Variants in TDRD10 observed in about 807,000 individuals in gnomAD.
TDRD10 encodes tudor domain-containing protein 10.
Under a neutral mutation model 48.0 loss-of-function variants are expected in TDRD10, and 40 were observed. That is an observed-to-expected ratio of 0.83 (90% CI 0.65 to 1.09). The LOEUF (loss-of-function observed/expected upper bound fraction) is 1.09, where lower values mean the gene tolerates loss of function less well. Among genes scored for constraint, TDRD10 ranks in the 50% least tolerant of loss-of-function variants. The pLI is 0.00. For missense variants in TDRD10, 378 were observed against 434.7 expected, an observed-to-expected ratio of 0.87 and a Z score of 1.16; for synonymous variants, 162 against 170.4, an observed-to-expected ratio of 0.95 and a Z score of 0.38.
Position 154,542,778 on chromosome 1 carries a change from G to A in TDRD10, c.460G>A (p.Glu154Lys). 6.2e-7 allele frequency: 1 copy of A among 1,614,012 alleles called. No homozygotes were observed. Among genetic ancestry groups the A allele is most frequent in the Non-Finnish European group, 8.5e-7 (1 of 1,179,924 alleles). The change falls in exon 8 of 13, where the codon GAG (glutamate) becomes AAG (lysine). Residue 154 changes from glutamate to lysine, a missense_variant. Physicochemically the swap from Glu to Lys is moderately conservative, Grantham distance 56 (BLOSUM62 1). Transcript: ENST00000368482. ...PKAPVDLCET[E>K]KLRAAFFAVP... ...AGCTCCTGTTGACCTGTGTGAGACA[G>A]AGAAACTGAGGGCAGCCTTCTTTGC...
At chr1:154,543,191 C>T (rs771528596) in intron 8 of TDRD10, among the ~76,000 whole-genome samples, 1 of 152,128 alleles carries the variant, frequency 6.6e-6, no homozygotes, top group Non-Finnish European at 1.5e-5. Context: ...AGGAGAATCA[C>T]TTGAACCCAG....
At chr1:154,504,860 G>T (rs1406421866) in intron 1 of TDRD10, among the ~76,000 whole-genome samples, 1 of 152,132 alleles carries the variant, frequency 6.6e-6, no homozygotes, top group Non-Finnish European at 1.5e-5. Flanking sequence ...GGTAGTGTGT[G>T]CCTGTAGTCC....
intron 6 of TDRD10, chr1:154,534,743 G>T (rs1349134540): frequency 2.0e-5 from 3 of 152,214 alleles, no homozygotes; most frequent in African/African-American, 4.8e-5. Flanking sequence ...GAGAGGATTT[G>T]TTGATTGAAA....
intron 4 of TDRD10, among the ~76,000 whole-genome samples, 188 bp from the exon 5 acceptor site, chr1:154,520,116 C>T (rs1205833147): frequency 6.6e-6 from 1 of 152,152 alleles, no homozygotes; most frequent in Non-Finnish European, 1.5e-5. Flanking sequence ...GGCTGGTGAG[C>T]TTCACTGAAG....
chr1:154,520,458 C>G lies in TDRD10; in HGVS notation c.212+84C>G, dbSNP rs997221485. Reference sequence around the variant, plus strand: ...TTTGCTGATGCACTCATGTTGCAGACTAGCCCAGCAACCGCCACGTCCACA... The same window carrying G: ...TTTGCTGATGCACTCATGTTGCAGAGTAGCCCAGCAACCGCCACGTCCACA... On this transcript the variant is annotated intron_variant, in intron 5 of 12. Coordinates refer to ENST00000368482, the MANE Select transcript of TDRD10 (RefSeq NM_182499.4). 14 of 1,097,164 alleles carry G rather than the reference C, an allele frequency of 1.3e-5. No homozygotes were observed. The African/African-American group carries it at 1.7e-4, about 13-fold the overall frequency. 68.0% of individuals were successfully genotyped at this position (1,097,164 alleles called of 1,614,324 possible).
chr1:154,536,184 T>A (rs564467546), intron 6 of TDRD10, among the ~76,000 whole-genome samples: 1 of 152,296 alleles, frequency 6.6e-6, no homozygotes, highest in Non-Finnish European at 1.5e-5. Flanking sequence ...GAGACCAGCC[T>A]GGCCAACATG....
chr1:154,542,869 A>C (rs529237784), intron 8 of TDRD10, 48 bp downstream of exon 8: 1 of 1,489,112 alleles, frequency 6.7e-7, no homozygotes, highest in Non-Finnish European at 9.3e-7. Context: ...GATTACAGAC[A>C]TCCTCTGTCC....
intron 4 of TDRD10, among the ~76,000 whole-genome samples, chr1:154,509,639 T>G (rs1167270859): frequency 2.0e-5 from 3 of 152,178 alleles, no homozygotes; most frequent in Non-Finnish European, 4.4e-5. Context: ...AGATGGACCA[T>G]TATGTTTTGT....
intron 6 of TDRD10, among the ~76,000 whole-genome samples, chr1:154,540,820 A>G (rs1343688630): frequency 6.6e-6 from 1 of 152,200 alleles, no homozygotes; most frequent in Non-Finnish European, 1.5e-5. Context: ...GCCAGTGTTG[A>G]GCAGTTGAAC....
chr1:154,547,384 TTTG>T lies in TDRD10; in HGVS notation c.953-17_953-15del, dbSNP rs766038104. 3.1e-6 allele frequency: 5 copies of T among 1,613,558 alleles called. 1 individual carries two copies. The highest frequency in any genetic ancestry group is 3.3e-5 in the Admixed American group (2 of 60,016). ...CTGCCCAACCCCGTGCCACTGAGGT[TTTG>T]TTGTTGTGTCTTGTTTTGCAGACAT... On this transcript the variant is annotated intron_variant, in intron 11 of 12. Coordinates refer to ENST00000368482, the MANE Select transcript of TDRD10 (RefSeq NM_182499.4).
chr1:154,529,546 ATTTTTTT>A (rs56210038), intron 6 of TDRD10, among the ~76,000 whole-genome samples: 1 of 130,666 alleles, frequency 7.7e-6, no homozygotes. Flanking sequence ...TTCTGTGTTC[ATTTTTTT>A]TTTTTTTTTG....
At chr1:154,535,395 A>G (rs1206653598) in intron 6 of TDRD10, among the ~76,000 whole-genome samples, 7 of 150,218 alleles carry the variant, frequency 4.7e-5, no homozygotes, top group African/African-American at 1.5e-4. Context: ...GAGAGAGAAT[A>G]TAAGGGTAAG....
chr1:154,532,085 G>A (rs569821221), intron 6 of TDRD10, among the ~76,000 whole-genome samples: 18 of 152,330 alleles, frequency 1.2e-4, no homozygotes, highest in Non-Finnish European at 2.4e-4. Context: ...GGTGCTGTGC[G>A]CCCACACTCC....
chr1:154,515,465 G>A (rs952819286), intron 4 of TDRD10, among the ~76,000 whole-genome samples: 6 of 152,126 alleles, frequency 3.9e-5, no homozygotes, highest in African/African-American at 9.7e-5. Flanking sequence ...TGTGTGAACC[G>A]CTCCCTGTGC....
intron 6 of TDRD10, among the ~76,000 whole-genome samples, chr1:154,524,132 GA>G (rs2149329594): frequency 6.6e-6 from 1 of 152,156 alleles, no homozygotes; most frequent in East Asian, 1.9e-4. Context: ...TTTATCCCTT[GA>G]TTATGGGTAA....
chr1:154,533,688 A>G (rs1035299792), intron 6 of TDRD10, among the ~76,000 whole-genome samples: 9 of 151,638 alleles, frequency 5.9e-5, no homozygotes, highest in African/African-American at 2.2e-4. Context: ...CCCAGACTGG[A>G]GTGCAGTGGT....
In TDRD10 at chr1:154,510,240, TAAA is replaced by T. The variant is rs34841605; in HGVS notation, c.141+1777_141+1779del. 6.1e-3 allele frequency among the ~76,000 whole-genome samples: 840 copies of T among 137,720 alleles called. 4 individuals carry two copies. The highest frequency in any genetic ancestry group is 0.019 in the East Asian group (88 of 4,746). The allele number at this position is 137,720 out of a possible 152,430, so 90.3% of individuals were successfully genotyped here. On this transcript the variant is annotated intron_variant, in intron 4 of 12. Transcript: ENST00000368482. ...GGCAACATAGCGAGACCACATCTCTTAAAAAAAAAAAAAAAAAAAATTTTGAAT... is the reference window on the plus strand; with the variant it reads ...GGCAACATAGCGAGACCACATCTCTTAAAAAAAAAAAAAAAAATTTTGAAT...
chr1:154,533,410 A>G (rs7556449), intron 6 of TDRD10, among the ~76,000 whole-genome samples: 28,527 of 146,050 alleles, frequency 0.2, 2,977 homozygotes, highest in South Asian at 0.23. Flanking sequence ...GGCCTCTTCA[A>G]TTCTAAGTTT....
chr1:154,521,398 C>G lies in TDRD10; in HGVS notation c.288C>G (p.His96Gln). 6.2e-7 allele frequency: 1 copy of G among 1,614,230 alleles called. No individual in the cohort carries two copies. Among genetic ancestry groups the G allele is most frequent in the Non-Finnish European group, 8.5e-7 (1 of 1,180,044 alleles). ...AGGAGCTGAATGGTAAACTCTTCCA[C>G]AAGCGAAAACTGTTCGTGAATACAA... ...AIQELNGKLF[H>Q]KRKLFVNTSK... Residue 96 changes from histidine to glutamine, a missense_variant, in exon 6 of 13, where the codon CAC (histidine) becomes CAG (glutamine). His to Gln is a conservative substitution (Grantham distance 24, BLOSUM62 0). Coordinates refer to ENST00000368482, the MANE Select transcript of TDRD10 (RefSeq NM_182499.4).
Sources: gnomAD v4.1 joint callset for allele counts (sites outside exome capture counted in the v4.1 genomes callset) on GRCh38, gnomAD v4.1.1 for gene constraint, MANE v1.5 for transcripts, NCBI Gene and HGNC (gene_info 2026-07-23, HGNC 2026-07-21) for gene names.